The following HERC1 variants were observed in gnomAD, a reference collection of about 807,000 sequenced individuals.
The protein encoded by HERC1 is HECT and RLD domain containing E3 ubiquitin protein ligase family member 1, also known as probable E3 ubiquitin-protein ligase HERC1.
A neutral mutation model predicts 554.3 loss-of-function variants in HERC1; 160 were observed. The ratio of observed to expected loss-of-function variants is 0.29; its 90% confidence interval spans 0.25 to 0.33. HERC1 has a LOEUF of 0.33. Ranked by LOEUF, HERC1 falls within the 10% of genes least tolerant of loss-of-function variation. The pLI is 1.00. For synonymous variants in HERC1, 2,175 were observed against 2,131.7 expected, an observed-to-expected ratio of 1.02 and a Z score of -0.56; for missense variants, 4,919 against 5,918.5, an observed-to-expected ratio of 0.83 and a Z score of 5.54.
chr15:63,640,129 A>G, intron 61 of HERC1, 23 bp downstream of exon 61: 1 of 1,604,318 alleles, frequency 6.2e-7, no homozygotes, highest in Non-Finnish European at 8.5e-7. Flanking sequence ...GCTGCAAATA[A>G]TAGCAGCTCA....
intron 24 of HERC1, among the ~76,000 whole-genome samples, chr15:63,707,217 T>C (rs2073050642): frequency 6.6e-6 from 1 of 152,230 alleles, no homozygotes; most frequent in Non-Finnish European, 1.5e-5. Flanking sequence ...TTCCTCTAGC[T>C]TCACTTTCTT....
chr15:63,793,108 A>T (rs1012580196), intron 1 of HERC1, among the ~76,000 whole-genome samples: 1 of 152,218 alleles, frequency 6.6e-6, no homozygotes, highest in Non-Finnish European at 1.5e-5. Flanking sequence ...CTCTCTGGGG[A>T]TGCCACCCTC....
At chr15:63,690,322 T>G (rs1420365010) in intron 32 of HERC1, among the ~76,000 whole-genome samples, 1 of 152,134 alleles carries the variant, frequency 6.6e-6, no homozygotes, top group Non-Finnish European at 1.5e-5. Context: ...CTTCTGACCT[T>G]GCAGAGTATT....
intron 1 of HERC1, among the ~76,000 whole-genome samples, chr15:63,833,425 C>G (rs979343882): frequency 6.6e-6 from 1 of 152,166 alleles, no homozygotes. Context: ...GGACCGAGCC[C>G]CAGCCGGGGC....
intron 57 of HERC1, 76 bp from the exon 58 acceptor site, chr15:63,643,626 GA>G (rs2069177407): frequency 6.2e-6 from 7 of 1,125,516 alleles, no homozygotes; most frequent in Middle Eastern, 4.6e-4. Flanking sequence ...TTCACTCTTG[GA>G]AATTTTATAT....
chr15:63,666,443 T>G lies in HERC1; in HGVS notation c.8236A>C (p.Thr2746Pro), dbSNP rs769159645. 1.9e-6 allele frequency: 3 copies of G among 1,613,298 alleles called. No homozygotes were observed. Among genetic ancestry groups the G allele is most frequent in the African/African-American group, 1.3e-5 (1 of 74,928 alleles). The change falls in exon 41 of 78, where the codon ACT becomes CCT. Residue 2746 changes from threonine to proline, a missense_variant. Coordinates refer to ENST00000443617, the MANE Select transcript of HERC1 (RefSeq NM_003922.4). ...GCAATTGCTGGAGGAGGAGGAGAAG[T>G]TGAAAGTCTACTGCTTGGGTCTGAC... The part of the protein sequence containing the change: ...ALSDPSSRLS[T>P]SPPPPAIAVP...
At chr15:63,746,132 G>A (rs1044202646) in intron 12 of HERC1, among the ~76,000 whole-genome samples, 7 of 151,372 alleles carry the variant, frequency 4.6e-5, no homozygotes, top group African/African-American at 9.7e-5. Context: ...TTACTGATTC[G>A]ATATATATTT....
chr15:63,828,528 G>A (rs2078019317), intron 1 of HERC1, among the ~76,000 whole-genome samples: 6 of 151,946 alleles, frequency 3.9e-5, no homozygotes, highest in Admixed American at 3.9e-4. Context: ...TAGTAGAGAT[G>A]GGGTTTCTCC....
chr15:63,644,672 T>C (rs927953744), intron 57 of HERC1, among the ~76,000 whole-genome samples: 3 of 152,230 alleles, frequency 2.0e-5, no homozygotes, highest in Non-Finnish European at 4.4e-5. Context: ...GGAGATTCTT[T>C]GGATGGATGT....
Position 63,643,132 on chromosome 15 carries a change from A to G in HERC1, c.11332-74T>C, listed in dbSNP as rs1595880355. On this transcript the variant is annotated intron_variant, in intron 58 of 77. Coordinates refer to ENST00000443617, the MANE Select transcript of HERC1 (RefSeq NM_003922.4). ...ATTTACATTTAAATTTCTATTTCAC[A>G]TTGACAAAAACATATTCTAAAGTCT... 5 of 1,067,198 alleles carry G rather than the reference A, an allele frequency of 4.7e-6. No homozygotes were observed. In the East Asian group the frequency reaches 1.0e-4, roughly 22 times the overall value. The allele number at this position is 1,067,198 out of a possible 1,614,324, so 66.1% of individuals were successfully genotyped here.
At chr15:63,813,047 T>C (rs1230104487) in intron 1 of HERC1, among the ~76,000 whole-genome samples, 2 of 152,164 alleles carry the variant, frequency 1.3e-5, no homozygotes, top group Admixed American at 1.3e-4. Flanking sequence ...CAACTTACAA[T>C]CAACGATATT....
At position 63,661,748 on chromosome 15, in the gene HERC1, G is replaced by A. The variant is rs1184101698; in HGVS notation, c.9170+5C>T. The A allele has an allele frequency of 3.7e-6, 6 of 1,613,326 alleles. No homozygotes were observed. Among genetic ancestry groups the A allele is most frequent in the East Asian group, 2.2e-5 (1 of 44,886 alleles). Reference sequence around the variant, plus strand: ...GGTCTGGATATCTACACAATTTCAAGGTACCTTTCAGAACTTGTTGACTTA... The same window carrying A: ...GGTCTGGATATCTACACAATTTCAAAGTACCTTTCAGAACTTGTTGACTTA... On this transcript the variant is annotated splice_donor_5th_base_variant and intron_variant, in intron 45 of 77. Coordinates refer to ENST00000443617, the MANE Select transcript of HERC1 (RefSeq NM_003922.4).
chr15:63,626,858 T>C (rs541621840), intron 70 of HERC1, among the ~76,000 whole-genome samples: 122 of 152,362 alleles, frequency 8.0e-4, no homozygotes, highest in Non-Finnish European at 5.1e-4. Context: ...GTACCTTCTA[T>C]GTGCCTGGCA....
chr15:63,796,844 A>G (rs2076828929), intron 1 of HERC1, among the ~76,000 whole-genome samples: 1 of 152,256 alleles, frequency 6.6e-6, no homozygotes, highest in South Asian at 2.1e-4. Flanking sequence ...CCAAGGTTTT[A>G]TCATGCAGAT....
At chr15:63,786,637 G>T (rs2076455527) in intron 1 of HERC1, among the ~76,000 whole-genome samples, 1 of 152,180 alleles carries the variant, frequency 6.6e-6, no homozygotes, top group African/African-American at 2.4e-5. Context: ...CCAATTGAAA[G>T]ATGCCAGATA....
Position 63,655,952 on chromosome 15 carries a change from A to T in HERC1, c.9874T>A (p.Leu3292Met), listed in dbSNP as rs1476825123. The T allele has an allele frequency of 6.2e-7, 1 of 1,609,556 alleles. No homozygotes were observed. Among genetic ancestry groups the T allele is most frequent in the East Asian group, 2.2e-5 (1 of 44,750 alleles). The change falls in exon 50 of 78, where the codon TTG becomes ATG. Residue 3292 changes from leucine to methionine, a missense_variant. By Grantham distance (15) the Leu-to-Met change is conservative (BLOSUM62 2). Coordinates refer to ENST00000443617, the MANE Select transcript of HERC1 (RefSeq NM_003922.4). Reference sequence around the variant, plus strand: ...TTTACACCTGTTGCAGCAGAAATCAAGTTCTGAAGAAGCAATTGGAAAAAC... The same window carrying T: ...TTTACACCTGTTGCAGCAGAAATCATGTTCTGAAGAAGCAATTGGAAAAAC... ...KLLVQLCTQNLISAATGVNLT... is the reference protein window; with the variant it reads ...KLLVQLCTQNMISAATGVNLT...
intron 1 of HERC1, among the ~76,000 whole-genome samples, chr15:63,830,553 C>T (rs1225603305): frequency 1.3e-5 from 2 of 152,018 alleles, no homozygotes; most frequent in African/African-American, 4.8e-5. Context: ...GGGGAAAAAC[C>T]AGTGAAATTA....
chr15:63,764,247 A>G, intron 2 of HERC1, 56 bp from the exon 3 acceptor site: 1 of 1,162,066 alleles, frequency 8.6e-7, no homozygotes, highest in Non-Finnish European at 1.3e-6. Context: ...ATATGCATTA[A>G]AATTAGTTAA....
chr15:63,764,765 T>C (rs1215677111), intron 2 of HERC1, among the ~76,000 whole-genome samples: 3 of 152,040 alleles, frequency 2.0e-5, no homozygotes, highest in East Asian at 3.8e-4. Flanking sequence ...AAAACAATAA[T>C]TGACTGCAGC....
Sources: allele counts gnomAD v4.1 joint callset (sites outside exome capture counted in the v4.1 genomes callset), GRCh38; gene constraint gnomAD v4.1.1; transcripts MANE v1.5; gene names NCBI Gene and HGNC (gene_info 2026-07-23, HGNC 2026-07-21).